The following DSCAML1 variants were observed in gnomAD, a reference collection of about 807,000 sequenced individuals.
The protein encoded by DSCAML1 is DS cell adhesion molecule like 1.
In DSCAML1, 38 loss-of-function variants were observed where a neutral mutation model predicts 200.5. The observed-to-expected ratio is 0.19, with a 90% CI of 0.15 to 0.25. The LOEUF (loss-of-function observed/expected upper bound fraction) is 0.25. Among genes scored for constraint, DSCAML1 ranks in the 10% least tolerant of loss-of-function variants. DSCAML1 has a pLI of 1.00. For synonymous variants in DSCAML1, 1,215 were observed against 1,165.0 expected (o/e 1.04, Z -0.87); for missense variants, 2,223 against 2,858.8 (o/e 0.78, Z 5.07).
chr11:117,700,379 C>T (rs1591415885), intron 3 of DSCAML1, among the ~76,000 whole-genome samples: 1 of 152,312 alleles, frequency 6.6e-6, no homozygotes, highest in East Asian at 1.9e-4. Context: ...ACATCACATC[C>T]TATCCTATCC....
chr11:117,454,537 T>C (rs1041230983), intron 19 of DSCAML1, among the ~76,000 whole-genome samples: 2 of 152,224 alleles, frequency 1.3e-5, no homozygotes, highest in Non-Finnish European at 2.9e-5. Flanking sequence ...TTCAATCTGG[T>C]CAAGCAAAAT....
chr11:117,714,025 A>T (rs2187183), intron 3 of DSCAML1, among the ~76,000 whole-genome samples: 8 of 152,188 alleles, frequency 5.3e-5, no homozygotes, highest in African/African-American at 1.9e-4. Context: ...TGTGTGTGGC[A>T]CTGGGCAAAT....
At chr11:117,546,823 T>C (rs189873240) in intron 3 of DSCAML1, among the ~76,000 whole-genome samples, 8 of 152,244 alleles carry the variant, frequency 5.3e-5, no homozygotes, top group Admixed American at 2.0e-4. Flanking sequence ...CACACATCTC[T>C]CATCCTCATA....
intron 14 of DSCAML1, among the ~76,000 whole-genome samples, chr11:117,479,768 C>T (rs2048871033): frequency 1.3e-5 from 2 of 152,176 alleles, no homozygotes. Flanking sequence ...CCTGCCTCAG[C>T]CTTCTGAGTA....
At chr11:117,774,312 G>A (rs1450751965) in intron 3 of DSCAML1, among the ~76,000 whole-genome samples, 3 of 152,178 alleles carry the variant, frequency 2.0e-5, no homozygotes, top group Non-Finnish European at 2.9e-5. Context: ...CAGTCGTGTG[G>A]GGAACACAGA....
intron 3 of DSCAML1, among the ~76,000 whole-genome samples, chr11:117,578,511 T>A (rs1408753182): frequency 6.6e-6 from 1 of 151,098 alleles, no homozygotes; most frequent in East Asian, 2.0e-4. Flanking sequence ...TCTCTAAAAA[T>A]TTTTAAAAAT....
Position 117,706,682 on chromosome 11 carries a change from G to A in DSCAML1, c.511+70109C>T, listed in dbSNP as rs1014992705. On this transcript the variant is annotated intron_variant, in intron 3 of 32. Transcript: ENST00000651296. Reference sequence around the variant, plus strand: ...GCATTGGGGAGGAAGGAGGCCTAGCGTCTAGCCCTTCTTCTGCCATTGATA... The same window carrying A: ...GCATTGGGGAGGAAGGAGGCCTAGCATCTAGCCCTTCTTCTGCCATTGATA... 7.2e-5 allele frequency among the ~76,000 whole-genome samples: 11 copies of A among 152,326 alleles called. 1 individual carries two copies. In the East Asian group the frequency reaches 7.7e-4, roughly 11 times the overall value.
At position 117,780,638 on chromosome 11, in the gene DSCAML1, G is replaced by T; in HGVS notation, c.219C>A (p.Ile73=). 6.3e-7 allele frequency: 1 copy of T among 1,590,166 alleles called. No homozygotes were observed. Among genetic ancestry groups the T allele is most frequent in the Non-Finnish European group, 8.6e-7 (1 of 1,167,262 alleles). The change falls in exon 2 of 33, where the codon ATC becomes ATA. Residue 73 remains isoleucine, a synonymous_variant. Transcript: ENST00000651296. The surrounding 1 kb of genome is among the most constrained non-coding windows in gnomAD (Gnocchi z 4.8). ...TGDDIYDVPH[I]RHVHANGTLQ... Reference sequence around the variant, plus strand: ...GCGTCCCGTTGGCGTGGACGTGCCGGATGTGCGGCACGTCGTAGATGTCGT... The same window carrying T: ...GCGTCCCGTTGGCGTGGACGTGCCGTATGTGCGGCACGTCGTAGATGTCGT...
At chr11:117,615,043 T>TGGAATAGTCCA (rs2051782337) in intron 3 of DSCAML1, among the ~76,000 whole-genome samples, 3 of 152,054 alleles carry the variant, frequency 2.0e-5, no homozygotes. Context: ...AATCTAACAG[T>TGGAATAGTCCA]GGAATAGTCC....
At chr11:117,693,889 T>G (rs1316413254) in intron 3 of DSCAML1, among the ~76,000 whole-genome samples, 1 of 152,088 alleles carries the variant, frequency 6.6e-6, no homozygotes, top group African/African-American at 2.4e-5. Flanking sequence ...AGATGTCCTG[T>G]GGCCATCATG....
intron 3 of DSCAML1, among the ~76,000 whole-genome samples, chr11:117,704,060 G>A (rs991776351): frequency 6.4e-5 from 9 of 141,218 alleles, no homozygotes; most frequent in Middle Eastern, 3.6e-3. Flanking sequence ...TAATCCCAAC[G>A]AAGAAAGGAG....
chr11:117,441,200 G>A (rs2137086882), intron 21 of DSCAML1, among the ~76,000 whole-genome samples: 1 of 152,300 alleles, frequency 6.6e-6, no homozygotes, highest in Middle Eastern at 3.4e-3. Flanking sequence ...CAAGGTGAGT[G>A]ATGGCACCCT....
At chr11:117,640,131 C>T in intron 3 of DSCAML1, among the ~76,000 whole-genome samples, 1 of 152,202 alleles carries the variant, frequency 6.6e-6, no homozygotes, top group East Asian at 1.9e-4. Flanking sequence ...AAAGCCCCAG[C>T]TCAGGTCTCA....
At chr11:117,793,063 A>G (rs1002578552) in intron 1 of DSCAML1, among the ~76,000 whole-genome samples, 2 of 152,188 alleles carry the variant, frequency 1.3e-5, no homozygotes, top group Admixed American at 1.3e-4. Flanking sequence ...GAGGAAGCCA[A>G]TGACTGGCTG....
chr11:117,623,216 C>CTTTTTTTTTTTTTTTTTTTTTTTTTCTT (rs56343852), intron 3 of DSCAML1, among the ~76,000 whole-genome samples: 1 of 121,118 alleles, frequency 8.3e-6, no homozygotes, highest in African/African-American at 3.1e-5. Context: ...CTTTTCTTTT[C>CTTTTTTTTTTTTTTTTTTTTTTTTTCTT]TTTTTTTTTT....
At chr11:117,728,811 T>C (rs2054174796) in intron 3 of DSCAML1, among the ~76,000 whole-genome samples, 1 of 152,212 alleles carries the variant, frequency 6.6e-6, no homozygotes, top group South Asian at 2.1e-4. Flanking sequence ...AATGGAAGGA[T>C]ATCCCATGTT....
intron 3 of DSCAML1, among the ~76,000 whole-genome samples, chr11:117,674,956 A>G (rs923705207): frequency 1.3e-5 from 2 of 152,112 alleles, no homozygotes; most frequent in Admixed American, 1.3e-4. Context: ...GCAAGGTAAA[A>G]TATCTTATCA....
At chr11:117,646,100 A>C (rs2052516048) in intron 3 of DSCAML1, among the ~76,000 whole-genome samples, 1 of 152,190 alleles carries the variant, frequency 6.6e-6, no homozygotes, top group African/African-American at 2.4e-5. Flanking sequence ...CATTTCATTA[A>C]ATGTATAACC....
intron 16 of DSCAML1, among the ~76,000 whole-genome samples, chr11:117,467,327 A>T (rs894321820): frequency 6.6e-6 from 1 of 152,072 alleles, no homozygotes; most frequent in Non-Finnish European, 1.5e-5. Context: ...GCAAATAGAA[A>T]CTGGCTCCTT....
Sources: allele counts gnomAD v4.1 joint callset (sites outside exome capture counted in the v4.1 genomes callset), GRCh38; gene constraint gnomAD v4.1.1; non-coding constraint Gnocchi (gnomAD v3.1); transcripts MANE v1.5; gene names NCBI Gene and HGNC (gene_info 2026-07-23, HGNC 2026-07-21).